Variants in MTMR1 observed in about 807,000 individuals in gnomAD.
MTMR1 encodes myotubularin related protein 1.
Under a neutral mutation model 51.6 loss-of-function variants are expected in MTMR1, and 17 were observed. That is an observed-to-expected ratio of 0.33 (90% CI 0.23 to 0.49). The LOEUF (loss-of-function observed/expected upper bound fraction) is 0.49, where lower values mean the gene tolerates loss of function less well. MTMR1 is among the 20% of genes least tolerant of loss of function. The probability of loss-of-function intolerance (pLI) is 0.99; values close to 1 mark genes in which losing one functional copy is unlikely to be tolerated. For synonymous variants in MTMR1, 201 were observed against 205.6 expected (o/e 0.98, Z 0.19); for missense variants, 386 against 526.9 (o/e 0.73, Z 2.62).
Position 150,755,876 on chromosome X carries a change from G to A in MTMR1, c.1857+11G>A. On this transcript the variant is annotated intron_variant, in intron 15 of 15. Transcript: ENST00000445323. ...CGGATGAGACCTCAGGTATCTTTTT[G>A]TTTTTCTTTTCATGAATGAGAGAGT... 8.5e-7 allele frequency: 1 copy of A among 1,176,508 alleles called. No homozygotes were observed. Among genetic ancestry groups the A allele is most frequent in the Non-Finnish European group, 1.1e-6 (1 of 877,289 alleles).
In MTMR1 at chrX:150,727,688, C is replaced by T. The variant is rs1468503241; in HGVS notation, c.452C>T (p.Pro151Leu). 21 of 1,205,885 alleles carry T rather than the reference C, an allele frequency of 1.7e-5. No individual in the cohort carries two copies. Among genetic ancestry groups the T allele is most frequent in the African/African-American group, 3.5e-5 (2 of 57,637 alleles). ...GATCTTAATTTTTGAACCTAGGACC[C>T]GCATTTTATCCTTGATGTTCCCCTT... ...KLYFKNVERD[P>L]HFILDVPLGV... Residue 151 changes from proline to leucine, a missense_variant, in exon 6 of 16, where the codon CCG becomes CTG. Pro to Leu is a moderately conservative substitution (Grantham distance 98). Transcript: ENST00000445323.
Position 150,736,267 on chromosome X carries a change from T to C in MTMR1, c.1081-328T>C, listed in dbSNP as rs1374871014. ...TGGAGGCAGAGATCAGAATGATGTGTGTATAAGCCAAGAACACCTGGGACT... is the reference window on the plus strand; with the variant it reads ...TGGAGGCAGAGATCAGAATGATGTGCGTATAAGCCAAGAACACCTGGGACT... On this transcript the variant is annotated intron_variant, in intron 10 of 15. Transcript: ENST00000445323. 1.7e-5 allele frequency: 3 copies of C among 177,004 alleles called. No individual in the cohort carries two copies. The East Asian group carries it at 3.4e-4, about 20-fold the overall frequency. The allele number at this position is 177,004 out of a possible 1,213,427, so 14.6% of individuals were successfully genotyped here.
chrX:150,752,659 G>A (rs1168430481), intron 14 of MTMR1, among the ~76,000 whole-genome samples: 1 of 86,291 alleles, frequency 1.2e-5, no homozygotes, highest in African/African-American at 4.6e-5. Flanking sequence ...GAGAGGGGGA[G>A]TGCAAAATTC....
At chrX:150,762,450 G>T in intron 15 of MTMR1, 115 bp from the exon 16 acceptor site, 2 of 953,739 alleles carry the variant, frequency 2.1e-6, no homozygotes, top group Non-Finnish European at 2.9e-6. Context: ...AGGAGACTTT[G>T]GCCGCTCCAG....
chrX:150,754,520 G>C (rs1557417691), intron 14 of MTMR1, among the ~76,000 whole-genome samples: 5 of 112,051 alleles, frequency 4.5e-5, no homozygotes, highest in Admixed American at 3.8e-4. Flanking sequence ...CTGCACATTT[G>C]GGTGTTTTTG....
chrX:150,754,615 T>G (rs1007301303), intron 14 of MTMR1, among the ~76,000 whole-genome samples: 3 of 112,420 alleles, frequency 2.7e-5, no homozygotes, highest in Non-Finnish European at 5.6e-5. Flanking sequence ...TAGTGATATA[T>G]TTACTTGTCT....
Position 150,763,950 on chromosome X carries a change from C to G in MTMR1, c.*1221C>G, listed in dbSNP as rs981060530. On this transcript the variant is annotated 3_prime_UTR_variant, in exon 16 of 16. Coordinates refer to ENST00000445323, the MANE Select transcript of MTMR1 (RefSeq NM_001306144.3). The stretch of plus-strand genomic sequence containing the variant: ...TTGAGCGCCATAGCTCTGAGCTCCT[C>G]TGTGTGACATGCCACAGATGACTAT... The G allele has an allele frequency of 1.8e-5, 2 of 112,700 alleles. No individual in the cohort carries two copies. Among genetic ancestry groups the G allele is most frequent in the Admixed American group, 9.4e-5 (1 of 10,685 alleles). 9.3% of individuals were successfully genotyped at this position (112,700 alleles called of 1,213,427 possible).
At chrX:150,750,887 G>A in intron 14 of MTMR1, 44 bp downstream of exon 14, 1 of 1,087,307 alleles carries the variant, frequency 9.2e-7, no homozygotes, top group Non-Finnish European at 1.3e-6. Flanking sequence ...CTGTGGCTCA[G>A]GCACCTCTCC....
At chrX:150,741,628 T>TG (rs1321007918) in intron 12 of MTMR1, among the ~76,000 whole-genome samples, 1 of 112,502 alleles carries the variant, frequency 8.9e-6, no homozygotes, top group Non-Finnish European at 1.9e-5. Flanking sequence ...ACAAGTACAG[T>TG]GTCTCATTTG....
intron 15 of MTMR1, among the ~76,000 whole-genome samples, chrX:150,758,835 A>C (rs545832671): frequency 1.8e-5 from 2 of 111,287 alleles, no homozygotes; most frequent in African/African-American, 6.5e-5. Context: ...CTCCCTTTAG[A>C]CTTTGTGCTC....
intron 2 of MTMR1, 144 bp downstream of exon 2, chrX:150,699,444 G>T (rs1401058014): frequency 2.7e-6 from 1 of 373,505 alleles, no homozygotes; most frequent in Non-Finnish European, 4.5e-6. Flanking sequence ...TCTGTTGTTA[G>T]ATCTGAAATG....
In MTMR1 at chrX:150,736,798, T is replaced by C. The variant is rs1557417182; in HGVS notation, c.1266+18T>C. 1 of 1,164,274 alleles carries C rather than the reference T, an allele frequency of 8.6e-7. No individual in the cohort carries two copies. Among genetic ancestry groups the C allele is most frequent in the Non-Finnish European group, 1.2e-6 (1 of 868,171 alleles). ...ATATAAGGGTAAAGAGATCCAGCAC[T>C]TTATATGCTTTCCAGTTAAGACTTC... On this transcript the variant is annotated intron_variant, in intron 11 of 15. Transcript: ENST00000445323.
intron 3 of MTMR1, 47 bp downstream of exon 3, chrX:150,712,412 T>C (rs1557416251): frequency 9.0e-7 from 1 of 1,112,092 alleles, no homozygotes; most frequent in South Asian, 2.0e-5. Context: ...CTTGTGTGTG[T>C]CTGTGCTTTA....
chrX:150,721,130 A>G lies in MTMR1; in HGVS notation c.352+2430A>G, dbSNP rs781837845. Among the ~76,000 whole-genome samples the G allele has an allele frequency of 2.7e-5, 3 of 112,061 alleles. No homozygotes were observed. In the East Asian group the frequency reaches 8.3e-4, roughly 31 times the overall value. On this transcript the variant is annotated intron_variant, in intron 4 of 15. Transcript: ENST00000445323. ...TTTTTGATTGTTAAATCAACCTTGC[A>G]TTCCCAGGATAAACTCAGCTTGCTT...
At chrX:150,716,589 A>G (rs1241031304) in intron 3 of MTMR1, among the ~76,000 whole-genome samples, 2 of 112,319 alleles carry the variant, frequency 1.8e-5, no homozygotes, top group Non-Finnish European at 3.8e-5. Context: ...TTCCTAATCT[A>G]TATTATTTTA....
chrX:150,699,422 G>T (rs902434952), intron 2 of MTMR1, 122 bp downstream of exon 2: 3 of 414,099 alleles, frequency 7.2e-6, no homozygotes, highest in Non-Finnish European at 1.2e-5. Flanking sequence ...CGAGAATAAG[G>T]ATGAAAGGTT....
At chrX:150,735,855 A>G (rs1278948643) in intron 10 of MTMR1, 1 of 152,543 alleles carries the variant, frequency 6.6e-6, no homozygotes, top group Non-Finnish European at 1.2e-5. Flanking sequence ...TGTTGTACAG[A>G]GTGATCTTCT....
intron 3 of MTMR1, among the ~76,000 whole-genome samples, chrX:150,718,005 A>G (rs1484325726): frequency 8.9e-6 from 1 of 111,933 alleles, no homozygotes; most frequent in East Asian, 2.8e-4. Flanking sequence ...AACACTGACA[A>G]CTTCACTCTT....
At chrX:150,742,834 A>AAAAAAAAAAG (rs1557417357) in intron 12 of MTMR1, among the ~76,000 whole-genome samples, 1 of 101,891 alleles carries the variant, frequency 9.8e-6, no homozygotes, top group African/African-American at 3.9e-5. Context: ...AAAAAAAAAA[A>AAAAAAAAAAG]AAAGAAAGAA....
Sources: allele counts gnomAD v4.1 joint callset (sites outside exome capture counted in the v4.1 genomes callset), GRCh38; gene constraint gnomAD v4.1.1; transcripts MANE v1.5; gene names NCBI Gene and HGNC (gene_info 2026-07-23, HGNC 2026-07-21).